The following AKT3 variants were observed in gnomAD, a reference collection of about 807,000 sequenced individuals.
AKT3 encodes the protein AKT serine/threonine kinase 3, also known as RAC-gamma serine/threonine-protein kinase.
A neutral mutation model predicts 65.3 loss-of-function variants in AKT3; 15 were observed. The ratio of observed to expected loss-of-function variants is 0.23; its 90% CI spans 0.15 to 0.35. The LOEUF (loss-of-function observed/expected upper bound fraction) is 0.35, where lower values mean the gene tolerates loss of function less well. Ranked by LOEUF, AKT3 falls within the 10% of genes least tolerant of loss-of-function variation. The probability of loss-of-function intolerance (pLI) is 1.00; values close to 1 mark genes in which losing one functional copy is unlikely to be tolerated. For synonymous variants in AKT3, 206 were observed against 183.8 expected (o/e 1.12, Z -0.98); for missense variants, 243 against 576.5 (o/e 0.42, Z 5.92).
At chr1:243,693,274 A>C (rs1395927027) in intron 3 of AKT3, among the ~76,000 whole-genome samples, 1 of 110,192 alleles carries the variant, frequency 9.1e-6, no homozygotes. Flanking sequence ...ATATATATAT[A>C]TATATATATA....
At chr1:243,661,494 C>CCA (rs1356191982) in intron 4 of AKT3, among the ~76,000 whole-genome samples, 5 of 150,312 alleles carry the variant, frequency 3.3e-5, no homozygotes, top group Non-Finnish European at 7.4e-5. Flanking sequence ...GGAAAACTGG[C>CCA]TAGCCATATG....
chr1:243,750,834 G>C (rs550541884), intron 2 of AKT3, among the ~76,000 whole-genome samples: 2 of 151,884 alleles, frequency 1.3e-5, no homozygotes, highest in South Asian at 2.1e-4. Flanking sequence ...TGCCCGCCTC[G>C]GCCTCCCAAA....
chr1:243,831,699 G>A (rs1694521131), intron 2 of AKT3, among the ~76,000 whole-genome samples: 1 of 152,166 alleles, frequency 6.6e-6, no homozygotes, highest in Non-Finnish European at 1.5e-5. Context: ...AAGTAGAGCA[G>A]TGAATAATAT....
At chr1:243,845,702 A>T (rs1456815560) in intron 1 of AKT3, among the ~76,000 whole-genome samples, 1 of 151,980 alleles carries the variant, frequency 6.6e-6, no homozygotes, top group Non-Finnish European at 1.5e-5. Context: ...CTCATCATAA[A>T]TTTTTAAAAA....
chr1:243,687,416 T>C (rs1177786875), intron 3 of AKT3: 2 of 152,170 alleles, frequency 1.3e-5, no homozygotes, highest in Non-Finnish European at 2.9e-5. Context: ...CCTGTAGTGT[T>C]ATAATGAAGG....
At chr1:243,540,220 T>C (rs1476981924) in intron 12 of AKT3, among the ~76,000 whole-genome samples, 3 of 152,082 alleles carry the variant, frequency 2.0e-5, no homozygotes, top group Admixed American at 2.0e-4. Flanking sequence ...GTACCAACGC[T>C]AGCAATATAT....
intron 2 of AKT3, among the ~76,000 whole-genome samples, chr1:243,768,070 G>A (rs945054956): frequency 6.6e-6 from 1 of 150,950 alleles, no homozygotes; most frequent in South Asian, 2.1e-4. Context: ...ATTATAAAAT[G>A]CCATAAACTA....
intron 3 of AKT3, among the ~76,000 whole-genome samples, chr1:243,676,230 G>A (rs2147958657): frequency 6.6e-6 from 1 of 152,334 alleles, no homozygotes; most frequent in Non-Finnish European, 1.5e-5. Context: ...GGCCAATGCA[G>A]ATTACCTTCG....
intron 5 of AKT3, among the ~76,000 whole-genome samples, chr1:243,640,303 C>T (rs893500145): frequency 4.6e-5 from 7 of 152,170 alleles, no homozygotes; most frequent in African/African-American, 1.7e-4. Context: ...ACATAACAAG[C>T]TATTTGTGCT....
Position 243,545,597 on chromosome 1 carries a change from G to C in AKT3, c.1164C>G (p.Arg388=). The change falls in exon 12 of 14, where the codon CGC becomes CGG. Residue 388 remains arginine (R), a splice_region_variant and synonymous_variant. Transcript: ENST00000673466. ...TTGCATCATCTGGTCCTCCACCAAG[G>C]CTATGAGAACAGAAATAAAATTAAG... is the stretch of plus-strand genomic sequence containing the variant. ...SGLLIKDPNK[R]LGGGPDDAKE... 6.2e-7 allele frequency: 1 copy of C among 1,604,980 alleles called. No individual in the cohort carries two copies.
chr1:243,591,524 G>A (rs910731161), intron 8 of AKT3, among the ~76,000 whole-genome samples: 6 of 151,858 alleles, frequency 4.0e-5, no homozygotes, highest in South Asian at 2.1e-4. Flanking sequence ...AAAAATTAAC[G>A]GACATAAAAA....
intron 2 of AKT3, among the ~76,000 whole-genome samples, chr1:243,812,276 G>A (rs1693211746): frequency 6.6e-6 from 1 of 152,144 alleles, no homozygotes; most frequent in African/African-American, 2.4e-5. Context: ...CTACTCATCT[G>A]ACAAAGGGTT....
chr1:243,575,585 T>A (rs1353499069), intron 8 of AKT3, among the ~76,000 whole-genome samples: 1 of 152,072 alleles, frequency 6.6e-6, no homozygotes, highest in Non-Finnish European at 1.5e-5. Flanking sequence ...TATTGATTTT[T>A]AAAAAAAGAG....
In AKT3 at chr1:243,503,539, A is replaced by T. The variant is rs1669474168; in HGVS notation, c.*1710T>A. 4.3e-6 allele frequency: 1 copy of T among 233,254 alleles called. No individual in the cohort carries two copies. Among genetic ancestry groups the T allele is most frequent in the Non-Finnish European group, 8.5e-6 (1 of 117,846 alleles). The allele number at this position is 233,254 out of a possible 1,614,324, so 14.4% of individuals were successfully genotyped here. A position where few individuals can be genotyped will look rare whatever the true frequency, so the allele number is the denominator to read the frequency against. On this transcript the variant is annotated 3_prime_UTR_variant, in exon 14 of 14. Transcript: ENST00000673466. ...GCCGCAAGAGTGGCCCCCAGCCCCT[A>T]GGACTTCACAGGCTGCTTTGGAAAT...
intron 3 of AKT3, among the ~76,000 whole-genome samples, chr1:243,686,083 C>G (rs1300689268): frequency 1.3e-5 from 2 of 152,112 alleles, no homozygotes; most frequent in African/African-American, 4.8e-5. Context: ...AGGCTACAAA[C>G]CACTGCTCAA....
At chr1:243,675,008 T>C (rs1234799514) in intron 3 of AKT3, among the ~76,000 whole-genome samples, 4 of 152,202 alleles carry the variant, frequency 2.6e-5, no homozygotes, top group Non-Finnish European at 5.9e-5. Flanking sequence ...GTGTCTATTA[T>C]TTCCATCTTT....
chr1:243,501,238 A>AAGTC lies in AKT3; in HGVS notation c.*4007_*4010dup, dbSNP rs548162696. 5.5e-4 allele frequency: 128 copies of AAGTC among 232,948 alleles called. No individual in the cohort carries two copies. The highest frequency in any genetic ancestry group is 2.7e-3 in the African/African-American group (123 of 45,466). The allele number at this position is 232,948 out of a possible 1,614,324, so 14.4% of individuals were successfully genotyped here. A position where few individuals can be genotyped will look rare whatever the true frequency, so the allele number is the denominator to read the frequency against. On this transcript the variant is annotated 3_prime_UTR_variant, in exon 14 of 14. Transcript: ENST00000673466. The stretch of plus-strand genomic sequence containing the variant: ...GCCCCATCCAGAATGATTCAACGTG[A>AAGTC]AGTCAGACTGCAGTCCAGCCATCCT...
At chr1:243,572,811 C>CT in intron 9 of AKT3, 115 bp downstream of exon 9, 2 of 1,158,092 alleles carry the variant, frequency 1.7e-6, no homozygotes, top group Non-Finnish European at 1.1e-6. Context: ...AAACATAGTG[C>CT]TTTTTTCCCA....
intron 2 of AKT3, among the ~76,000 whole-genome samples, chr1:243,727,134 G>GT (rs1687259857): frequency 6.6e-6 from 1 of 152,162 alleles, no homozygotes; most frequent in African/African-American, 2.4e-5. Flanking sequence ...TACATAATAA[G>GT]TGCTGAGGCT....
Sources: allele counts gnomAD v4.1 joint callset (sites outside exome capture counted in the v4.1 genomes callset), GRCh38; gene constraint gnomAD v4.1.1; transcripts MANE v1.5; gene names NCBI Gene and HGNC (gene_info 2026-07-23, HGNC 2026-07-21).